The following NRG3 variants were observed in gnomAD, a reference collection of about 807,000 sequenced individuals.
NRG3 encodes the protein pro-neuregulin-3, membrane-bound isoform.
Under a neutral mutation model 66.9 loss-of-function variants are expected in NRG3, and 31 were observed. That is an observed-to-expected ratio of 0.46 (90% confidence interval 0.35 to 0.63). NRG3 has a LOEUF of 0.63. NRG3 is among the 20% of genes least tolerant of loss of function. The pLI is 0.00. For missense variants in NRG3, 910 were observed against 878.9 expected (o/e 1.04, Z -0.45); for synonymous variants, 393 against 359.4 (o/e 1.09, Z -1.06).
At chr10:82,648,435 G>T (rs1457547080) in intron 2 of NRG3, among the ~76,000 whole-genome samples, 3 of 152,162 alleles carry the variant, frequency 2.0e-5, no homozygotes, top group African/African-American at 7.2e-5. Context: ...AAGTCAGGTA[G>T]TGTGATGCCC....
At chr10:82,825,527 G>A (rs1306912363) in intron 3 of NRG3, among the ~76,000 whole-genome samples, 1 of 152,180 alleles carries the variant, frequency 6.6e-6, no homozygotes, top group African/African-American at 2.4e-5. Context: ...AAGCACAGCT[G>A]TCCAGGCAGG....
At chr10:82,236,468 C>T (rs777564968) in intron 1 of NRG3, among the ~76,000 whole-genome samples, 5 of 152,172 alleles carry the variant, frequency 3.3e-5, no homozygotes, top group Admixed American at 6.5e-5. Flanking sequence ...TCCCCTCATT[C>T]AGTCTTTGCC....
chr10:82,781,981 A>T (rs1331830825), intron 3 of NRG3, among the ~76,000 whole-genome samples: 1 of 152,130 alleles, frequency 6.6e-6, no homozygotes, highest in Non-Finnish European at 1.5e-5. Context: ...CGTCCAGTGT[A>T]TCTTTTTGTG....
intron 1 of NRG3, among the ~76,000 whole-genome samples, chr10:82,159,664 T>C (rs1245744908): frequency 6.6e-6 from 1 of 151,884 alleles, no homozygotes; most frequent in African/African-American, 2.4e-5. Context: ...CCTTCGTTAG[T>C]TTTTTAGTCC....
chr10:82,002,263 AC>A (rs1205258509), intron 1 of NRG3, among the ~76,000 whole-genome samples: 2 of 152,112 alleles, frequency 1.3e-5, no homozygotes, highest in Non-Finnish European at 2.9e-5. Context: ...GTCCCAGGAC[AC>A]CTCAAACTTC....
intron 1 of NRG3, among the ~76,000 whole-genome samples, chr10:82,353,592 T>TA (rs1564830033): frequency 6.6e-6 from 1 of 151,796 alleles, no homozygotes; most frequent in Admixed American, 6.6e-5. Context: ...CCGAAACGTA[T>TA]AAAAAAAATA....
intron 2 of NRG3, among the ~76,000 whole-genome samples, chr10:82,474,994 G>A (rs1437598054): frequency 2.0e-5 from 3 of 151,264 alleles, no homozygotes; most frequent in Admixed American, 6.6e-5. Flanking sequence ...AAAAAAAAAG[G>A]AAGAAAAAAA....
intron 2 of NRG3, among the ~76,000 whole-genome samples, chr10:82,520,707 T>C (rs909030101): frequency 2.0e-5 from 3 of 152,200 alleles, no homozygotes; most frequent in African/African-American, 7.2e-5. Flanking sequence ...AACATTATTC[T>C]TCTCAAAATA....
chr10:82,362,211 C>A (rs1589852532), intron 2 of NRG3, among the ~76,000 whole-genome samples: 1 of 146,384 alleles, frequency 6.8e-6, no homozygotes, highest in Admixed American at 6.9e-5. Context: ...CTTGTGGTAC[C>A]AGTACTTAGA....
chr10:82,232,840 T>A (rs1475996154), intron 1 of NRG3: 2 of 717,150 alleles, frequency 2.8e-6, no homozygotes, highest in South Asian at 3.0e-5. Flanking sequence ...AGGCATGGCC[T>A]TTGTTGGGGT....
Position 82,442,237 on chromosome 10 carries a change from A to G in NRG3, c.953+83369A>G, listed in dbSNP as rs142476722. Among the ~76,000 whole-genome samples, 6 of 152,322 alleles carry G rather than the reference A, an allele frequency of 3.9e-5. No individual in the cohort carries two copies. The East Asian group carries it at 1.2e-3, about 29-fold the overall frequency. ...ATTCTGACTCTATGCTAGAGACACT[A>G]CTCAGTGTTACACGTGAAACAAGAT... is the stretch of plus-strand genomic sequence containing the variant. On this transcript the variant is annotated intron_variant, in intron 2 of 8. Transcript: ENST00000372141.
chr10:82,414,864 T>C (rs2088416131), intron 2 of NRG3, among the ~76,000 whole-genome samples: 1 of 152,184 alleles, frequency 6.6e-6, no homozygotes, highest in Non-Finnish European at 1.5e-5. Context: ...ATTCTTGTAT[T>C]ACAGTCTTGA....
Position 81,875,919 on chromosome 10 carries a change from C to A in NRG3, c.579C>A (p.Val193=), listed in dbSNP as rs374788455. ...TARNTAAPAT[V]PSTTAPFFSS... ...GGAACACTGCGGCCCCTGCGACGGTCCCGTCCACCACGGCCCCGTTCTTCA... is the reference window on the plus strand; with the variant it reads ...GGAACACTGCGGCCCCTGCGACGGTACCGTCCACCACGGCCCCGTTCTTCA... Residue 193 remains valine, a synonymous_variant, in exon 1 of 9, where the codon GTC becomes GTA. Coordinates refer to ENST00000372141, the MANE Select transcript of NRG3 (RefSeq NM_001010848.4). This position sits in a 1 kb window ranked among gnomAD's most constrained non-coding sequence, Gnocchi z 5.3. 215 of 1,613,354 alleles carry A rather than the reference C, an allele frequency of 1.3e-4. 3 individuals carry two copies. In the South Asian group the frequency reaches 2.2e-3, roughly 17 times the overall value.
At chr10:82,977,453 A>G (rs770965629) in intron 7 of NRG3, among the ~76,000 whole-genome samples, 4 of 152,080 alleles carry the variant, frequency 2.6e-5, no homozygotes, top group Non-Finnish European at 5.9e-5. Context: ...TACTAAAAAT[A>G]CAAAAATTAG....
At chr10:82,973,712 C>T (rs1851983647) in intron 6 of NRG3, 76 bp from the exon 7 acceptor site, 1 of 1,531,360 alleles carries the variant, frequency 6.5e-7, no homozygotes, top group Non-Finnish European at 9.0e-7. Context: ...AGTAACTTCT[C>T]AATGCTTAGC....
chr10:81,958,579 C>CTTT (rs1254156509), intron 1 of NRG3, among the ~76,000 whole-genome samples: 6 of 152,044 alleles, frequency 3.9e-5, no homozygotes, highest in Admixed American at 3.9e-4. Flanking sequence ...TACTCATATG[C>CTTT]GTAAAGTACA....
Position 82,319,531 on chromosome 10 carries a change from T to G in NRG3, c.824-39208T>G, listed in dbSNP as rs1275200693. Among the ~76,000 whole-genome samples the G allele has an allele frequency of 2.0e-5, 3 of 152,326 alleles. No homozygotes were observed. In the East Asian group the frequency reaches 5.8e-4, roughly 29 times the overall value. On this transcript the variant is annotated intron_variant, in intron 1 of 8. Transcript: ENST00000372141. Reference sequence around the variant, plus strand: ...GTGTTGCTTTTCTTCTAAATTATTTTCCCTTGTTCTTTGAATGCCTAATTC... The same window carrying G: ...GTGTTGCTTTTCTTCTAAATTATTTGCCCTTGTTCTTTGAATGCCTAATTC...
intron 4 of NRG3, among the ~76,000 whole-genome samples, chr10:82,908,300 T>A (rs1236897671): frequency 1.3e-5 from 2 of 152,224 alleles, no homozygotes; most frequent in Non-Finnish European, 2.9e-5. Flanking sequence ...GCAAGACTTC[T>A]GCAGTGAGTC....
chr10:82,870,009 C>T (rs1036635496), intron 4 of NRG3, among the ~76,000 whole-genome samples: 6 of 149,376 alleles, frequency 4.0e-5, no homozygotes, highest in Non-Finnish European at 8.9e-5. Flanking sequence ...GTAATTTTCT[C>T]ATGTGTTTTC....
Sources: allele counts gnomAD v4.1 joint callset (sites outside exome capture counted in the v4.1 genomes callset), GRCh38; gene constraint gnomAD v4.1.1; non-coding constraint Gnocchi (gnomAD v3.1); transcripts MANE v1.5; gene names NCBI Gene and HGNC (gene_info 2026-07-23, HGNC 2026-07-21).